The following EDC4 variants were observed in gnomAD, a reference collection of about 807,000 sequenced individuals.
EDC4 encodes enhancer of mRNA decapping 4, also known as enhancer of mRNA-decapping protein 4.
EDC4 carries 64 observed loss-of-function variants against 155.8 expected under a neutral mutation model. The observed-to-expected ratio is 0.41, with a 90% CI of 0.34 to 0.51. The LOEUF (loss-of-function observed/expected upper bound fraction) is 0.51, where lower values mean the gene tolerates loss of function less well. Among genes scored for constraint, EDC4 ranks in the 20% least tolerant of loss-of-function variants. The pLI is 0.19. For missense variants in EDC4, 1,303 were observed against 1,812.5 expected, an observed-to-expected ratio of 0.72 and a Z score of 5.10; for synonymous variants, 684 against 716.8, an observed-to-expected ratio of 0.95 and a Z score of 0.73.
rs1327457183 is a variant in EDC4 at position 67,879,351 on chromosome 16, G to T, written c.1541+42G>T. 2 of 1,614,210 alleles carry T rather than the reference G, an allele frequency of 1.2e-6. No homozygotes were observed. Among genetic ancestry groups the T allele is most frequent in the Non-Finnish European group, 1.7e-6 (2 of 1,180,036 alleles). On this transcript the variant is annotated intron_variant, in intron 13 of 28. Transcript: ENST00000358933. This position sits in a 1 kb window ranked among gnomAD's most constrained non-coding sequence, Gnocchi z 6.0. ...GCCCGCCAGTGTCCTGTCTGTGTCTGTCTCCACTCTACTGACCCTTGCCCT... is the reference window on the plus strand; with the variant it reads ...GCCCGCCAGTGTCCTGTCTGTGTCTTTCTCCACTCTACTGACCCTTGCCCT...
chr16:67,877,845 G>C lies in EDC4; in HGVS notation c.894G>C (p.Thr298=). 6.2e-7 allele frequency: 1 copy of C among 1,613,924 alleles called. No homozygotes were observed. Among genetic ancestry groups the C allele is most frequent in the Non-Finnish European group, 8.5e-7 (1 of 1,180,000 alleles). The change falls in exon 7 of 29, where the codon ACG becomes ACC. Residue 298 remains threonine, a splice_region_variant and synonymous_variant. Transcript: ENST00000358933. The surrounding 1 kb of genome is among the most constrained non-coding windows in gnomAD (Gnocchi z 4.9). ...QGFIVVKGHS[T]CLSEGALSPD... is the part of the protein sequence containing the mutation. ...TCATTGTGGTAAAAGGTCATAGCAC[G>C]GTAAGCCTGTGACTGCCTGCCTCCC...
Position 67,881,857 on chromosome 16 carries a change from A to G in EDC4, c.3004+12A>G, listed in dbSNP as rs2058069524. On this transcript the variant is annotated intron_variant, in intron 22 of 28. Transcript: ENST00000358933. This position sits in a 1 kb window ranked among gnomAD's most constrained non-coding sequence, Gnocchi z 5.4. ...GCACGAGCAGGAACGTATCCTTGAG[A>G]CTGGTAGCACAACATGGCATAGGGA... 3.1e-6 allele frequency: 5 copies of G among 1,609,824 alleles called. No homozygotes were observed. Among genetic ancestry groups the G allele is most frequent in the Non-Finnish European group, 3.4e-6 (4 of 1,176,558 alleles).
Position 67,880,244 on chromosome 16 carries a change from G to A in EDC4, c.2097+28G>A. 2 of 1,568,556 alleles carry A rather than the reference G, an allele frequency of 1.3e-6. No individual in the cohort carries two copies. On this transcript the variant is annotated intron_variant, in intron 17 of 28. Coordinates refer to ENST00000358933, the MANE Select transcript of EDC4 (RefSeq NM_014329.5). This position sits in a 1 kb window ranked among gnomAD's most constrained non-coding sequence, Gnocchi z 5.2. ...GTGTGACTGGGTGTGTGTGTGAAGT[G>A]TGGGGAGCAGGTGGGCAGCAGCAGG...
chr16:67,878,306 C>T lies in EDC4; in HGVS notation c.1004+31C>T. The T allele has an allele frequency of 6.2e-7, 1 of 1,614,196 alleles. No individual in the cohort carries two copies. The highest frequency in any genetic ancestry group is 8.5e-7 in the Non-Finnish European group (1 of 1,180,046). ...GCAGGGCCTCAGGGACCAGGATCCT[C>T]CCGAGGTAGCCCACCCGACCACTCA... On this transcript the variant is annotated intron_variant, in intron 8 of 28. Coordinates refer to ENST00000358933, the MANE Select transcript of EDC4 (RefSeq NM_014329.5). The surrounding 1 kb of genome is among the most constrained non-coding windows in gnomAD (Gnocchi z 5.2).
rs1189904620 is a variant in EDC4 at position 67,875,859 on chromosome 16, T to C, written c.83-86T>C. 6 of 1,544,430 alleles carry C rather than the reference T, an allele frequency of 3.9e-6. No homozygotes were observed. The Admixed American group carries it at 1.1e-4, about 29-fold the overall frequency. On this transcript the variant is annotated intron_variant, in intron 1 of 28. Coordinates refer to ENST00000358933, the MANE Select transcript of EDC4 (RefSeq NM_014329.5). ...CTCAGTTGAGTGTTCCTAGAGCACCTCATAGTTCTTGAAGGAAACTCTGAA... is the reference window on the plus strand; with the variant it reads ...CTCAGTTGAGTGTTCCTAGAGCACCCCATAGTTCTTGAAGGAAACTCTGAA...
chr16:67,880,455 T>C lies in EDC4; in HGVS notation c.2098-102T>C. ...TTGACCTGTATCCCCACTTCCCTGC[T>C]GCCCTGTCTCTCATTACTGCTAATA... On this transcript the variant is annotated intron_variant, in intron 17 of 28. Transcript: ENST00000358933. This position sits in a 1 kb window ranked among gnomAD's most constrained non-coding sequence, Gnocchi z 5.2. 4 of 1,476,822 alleles carry C rather than the reference T, an allele frequency of 2.7e-6. No homozygotes were observed. The highest frequency in any genetic ancestry group is 3.7e-6 in the Non-Finnish European group (4 of 1,086,622). The allele number at this position is 1,476,822 out of a possible 1,614,324, so 91.5% of individuals were successfully genotyped here. A position where few individuals can be genotyped will look rare whatever the true frequency, so the allele number is the denominator to read the frequency against.
In EDC4 at chr16:67,880,877, T is replaced by C; in HGVS notation, c.2418T>C (p.Asn806=). 6.2e-7 allele frequency: 1 copy of C among 1,613,806 alleles called. No homozygotes were observed. The highest frequency in any genetic ancestry group is 8.5e-7 in the Non-Finnish European group (1 of 1,179,984). ...GCCCTGGGGATGGAGATCGGCATAA[T>C]ACCCCCTCCCTCCTGGAGGCAGCCT... is the stretch of plus-strand genomic sequence containing the variant. The part of the protein sequence containing the change: ...DGGPGDGDRH[N]TPSLLEAALT... Residue 806 remains asparagine, a synonymous_variant, in exon 18 of 29, where the codon AAT becomes AAC. Coordinates refer to ENST00000358933, the MANE Select transcript of EDC4 (RefSeq NM_014329.5). This position sits in a 1 kb window ranked among gnomAD's most constrained non-coding sequence, Gnocchi z 5.2.
In EDC4 at chr16:67,883,941, C is replaced by A; in HGVS notation, c.4014-15C>A. On this transcript the variant is annotated splice_polypyrimidine_tract_variant and intron_variant, in intron 28 of 28. Coordinates refer to ENST00000358933, the MANE Select transcript of EDC4 (RefSeq NM_014329.5). The surrounding 1 kb of genome is among the most constrained non-coding windows in gnomAD (Gnocchi z 5.3). ...GGCACCCACCTGTAGCCTGTCCTTT[C>A]CCCCCCATCCCCAGCTACCTGGAAG... 6.3e-7 allele frequency: 1 copy of A among 1,579,216 alleles called. No individual in the cohort carries two copies. The highest frequency in any genetic ancestry group is 8.6e-7 in the Non-Finnish European group (1 of 1,159,072).
At chr16:67,873,880 G>T (rs2058031545) in intron 1 of EDC4, among the ~76,000 whole-genome samples, 1 of 152,304 alleles carries the variant, frequency 6.6e-6, no homozygotes, top group Admixed American at 6.5e-5. Flanking sequence ...ATCACAGACC[G>T]CACCACCCTG....
Position 67,880,826 on chromosome 16 carries a change from CGGCCCCCAGCTCGGGCTTGATGGA to C in EDC4, c.2373_2396del (p.Gln792_Pro799del), listed in dbSNP as rs1567391099. 6.2e-7 allele frequency: 1 copy of C among 1,613,916 alleles called. No individual in the cohort carries two copies. Among genetic ancestry groups the C allele is most frequent in the Non-Finnish European group, 8.5e-7 (1 of 1,179,986 alleles). ...CACGGCCCCGGCCAGGGCCCGAGCT[CGGCCCCCAGCTCGGGCTTGATGGA>C]GGCCCTGGGGATGGAGATCGGCATA... On this transcript the variant is annotated inframe_deletion, in exon 18 of 29. Transcript: ENST00000358933. This position sits in a 1 kb window ranked among gnomAD's most constrained non-coding sequence, Gnocchi z 5.2.
In EDC4 at chr16:67,880,869, C is replaced by T. The variant is rs776968666; in HGVS notation, c.2410C>T (p.Arg804Trp). Residue 804 changes from arginine to tryptophan, a missense_variant, in exon 18 of 29, where the codon CGG becomes TGG. Arg to Trp is a moderately radical substitution (Grantham distance 101). Transcript: ENST00000358933. This position sits in a 1 kb window ranked among gnomAD's most constrained non-coding sequence, Gnocchi z 5.2. ...GLDGGPGDGD[R>W]HNTPSLLEAA... ...TGATGGAGGCCCTGGGGATGGAGATCGGCATAATACCCCCTCCCTCCTGGA... is the reference window on the plus strand; with the variant it reads ...TGATGGAGGCCCTGGGGATGGAGATTGGCATAATACCCCCTCCCTCCTGGA... The T allele has an allele frequency of 1.1e-5, 18 of 1,613,776 alleles. No individual in the cohort carries two copies. Among genetic ancestry groups the T allele is most frequent in the Non-Finnish European group, 1.4e-5 (17 of 1,180,022 alleles).
chr16:67,880,354 A>G lies in EDC4; in HGVS notation c.2097+138A>G, dbSNP rs1598177500. 4.3e-6 allele frequency: 6 copies of G among 1,403,672 alleles called. No homozygotes were observed. In the East Asian group the frequency reaches 1.4e-4, roughly 33 times the overall value. 87.0% of individuals were successfully genotyped at this position (1,403,672 alleles called of 1,614,324 possible). On this transcript the variant is annotated intron_variant, in intron 17 of 28. Transcript: ENST00000358933. The surrounding 1 kb of genome is among the most constrained non-coding windows in gnomAD (Gnocchi z 5.2). ...GTCCGTGTTTCCCTGAGGTCATTTCACCCTCCTGTGTTTCCTGGTGGGTGT... is the reference window on the plus strand; with the variant it reads ...GTCCGTGTTTCCCTGAGGTCATTTCGCCCTCCTGTGTTTCCTGGTGGGTGT...
Position 67,881,561 on chromosome 16 carries a change from G to T in EDC4, c.2826+28G>T. On this transcript the variant is annotated intron_variant, in intron 21 of 28. Coordinates refer to ENST00000358933, the MANE Select transcript of EDC4 (RefSeq NM_014329.5). This position sits in a 1 kb window ranked among gnomAD's most constrained non-coding sequence, Gnocchi z 5.4. ...AAGTGAATGAGCCCACTTTGTACTT[G>T]TGGAACTTCACCCTGGGCGGGTGGA... The T allele has an allele frequency of 6.2e-7, 1 of 1,611,358 alleles. No homozygotes were observed. The highest frequency in any genetic ancestry group is 8.5e-7 in the Non-Finnish European group (1 of 1,179,962).
At position 67,882,456 on chromosome 16, in the gene EDC4, G is replaced by A; in HGVS notation, c.3304G>A (p.Ala1102Thr). ...CTTGACTGATGCCATCGCCCGAGCAGCTGCAGACACATTACAAGGGCCGAT... is the reference window on the plus strand; with the variant it reads ...CTTGACTGATGCCATCGCCCGAGCAACTGCAGACACATTACAAGGGCCGAT... ...KNLTDAIARA[A>T]ADTLQGPMQA... The change falls in exon 25 of 29, where the codon GCT becomes ACT. Residue 1102 changes from alanine (A) to threonine (T), a missense_variant. Around this residue, in one of 5 missense-constraint regions of EDC4, gnomAD observed 527 missense variants for 757.0 expected, o/e 0.70. Transcript: ENST00000358933. This position sits in a 1 kb window ranked among gnomAD's most constrained non-coding sequence, Gnocchi z 7.2. The A allele has an allele frequency of 1.2e-6, 2 of 1,614,124 alleles. No individual in the cohort carries two copies.
At chr16:67,874,493 C>T (rs1389347503) in intron 1 of EDC4, among the ~76,000 whole-genome samples, 5 of 152,182 alleles carry the variant, frequency 3.3e-5, no homozygotes, top group African/African-American at 7.2e-5. Flanking sequence ...ATGAGTTGGG[C>T]GTGGACCTCT....
In EDC4 at chr16:67,877,614, T is replaced by C. The variant is rs8060686; in HGVS notation, c.747T>C (p.Cys249=). Residue 249 remains cysteine (C), a synonymous_variant, in exon 6 of 29, where the codon TGT becomes TGC. Coordinates refer to ENST00000358933, the MANE Select transcript of EDC4 (RefSeq NM_014329.5). The surrounding 1 kb of genome is among the most constrained non-coding windows in gnomAD (Gnocchi z 4.9). ...PFIPEESEDC[C]EESSPTVALL... ...TCCCTGAGGAGAGCGAAGACTGCTG[T>C]GAGGAGAGCAGCCCAACAGTGGCCC... 323,900 of 1,613,906 alleles carry C rather than the reference T, an allele frequency of 0.2. 42,035 individuals are homozygous for C. The highest frequency in any genetic ancestry group is 0.65 in the African/African-American group (48,381 of 74,916).
At position 67,876,475 on chromosome 16, in the gene EDC4, C is replaced by T. The variant is rs749933134; in HGVS notation, c.240-13C>T. ...GTGAACAAGAGGCAAAGTTTTTGCA[C>T]TCTTCCCCACAGCTGTCTCTCAGGA... On this transcript the variant is annotated splice_polypyrimidine_tract_variant and intron_variant, in intron 2 of 28. Transcript: ENST00000358933. The surrounding 1 kb of genome is among the most constrained non-coding windows in gnomAD (Gnocchi z 5.8). The T allele has an allele frequency of 4.3e-6, 7 of 1,613,012 alleles. No individual in the cohort carries two copies. The highest frequency in any genetic ancestry group is 4.2e-6 in the Non-Finnish European group (5 of 1,179,570).
chr16:67,878,474 G>A lies in EDC4; in HGVS notation c.1088+31G>A, dbSNP rs1446966299. On this transcript the variant is annotated intron_variant, in intron 9 of 28. Coordinates refer to ENST00000358933, the MANE Select transcript of EDC4 (RefSeq NM_014329.5). The surrounding 1 kb of genome is among the most constrained non-coding windows in gnomAD (Gnocchi z 5.2). ...TGAGTGGGCAGCCTAGTGGGTGGTG[G>A]GCTGGACCATGGCTCCCAGCAGGGG... The A allele has an allele frequency of 1.2e-6, 2 of 1,614,176 alleles. No homozygotes were observed. Among genetic ancestry groups the A allele is most frequent in the Non-Finnish European group, 8.5e-7 (1 of 1,180,026 alleles).
chr16:67,874,446 C>T (rs1273533382), intron 1 of EDC4, among the ~76,000 whole-genome samples: 1 of 152,216 alleles, frequency 6.6e-6, no homozygotes, highest in East Asian at 1.9e-4. Flanking sequence ...CCACTCGGCC[C>T]TTTGTCCCAG....
Sources: allele counts gnomAD v4.1 joint callset (sites outside exome capture counted in the v4.1 genomes callset), GRCh38; gene constraint gnomAD v4.1.1; regional missense constraint gnomAD v4.1.1; non-coding constraint Gnocchi (gnomAD v3.1); transcripts MANE v1.5; gene names NCBI Gene and HGNC (gene_info 2026-07-23, HGNC 2026-07-21).